The following AMMECR1 variants were observed in gnomAD, a reference collection of about 807,000 sequenced individuals.
The protein encoded by AMMECR1 is nuclear protein AMMECR1.
AMMECR1 carries 3 observed loss-of-function variants against 22.5 expected under a neutral mutation model. The observed-to-expected ratio is 0.13, with a 90% CI of 0.06 to 0.35. The LOEUF (loss-of-function observed/expected upper bound fraction) is 0.35. AMMECR1 is among the 10% of genes least tolerant of loss of function. AMMECR1 has a pLI of 1.00. For synonymous variants in AMMECR1, 130 were observed against 116.7 expected (o/e 1.11, Z -0.74); for missense variants, 235 against 278.7 (o/e 0.84, Z 1.12).
chrX:110,273,659 G>A (rs930110573), intron 1 of AMMECR1, among the ~76,000 whole-genome samples: 1 of 111,626 alleles, frequency 9.0e-6, no homozygotes, highest in African/African-American at 3.3e-5. Flanking sequence ...TTTGTATATG[G>A]TGGGAGATAG....
chrX:110,303,825 C>A (rs2067980845), intron 1 of AMMECR1, among the ~76,000 whole-genome samples: 1 of 112,150 alleles, frequency 8.9e-6, no homozygotes. Flanking sequence ...TATACTGATA[C>A]AATGCTCATG....
intron 2 of AMMECR1, among the ~76,000 whole-genome samples, chrX:110,405,310 C>T (rs1182149614): frequency 8.9e-6 from 1 of 111,732 alleles, no homozygotes; most frequent in Non-Finnish European, 1.9e-5. Context: ...AATTGGATAA[C>T]CAAGAGCTCC....
chrX:110,336,401 C>T (rs1430089208), intron 2 of AMMECR1, among the ~76,000 whole-genome samples: 1 of 110,386 alleles, frequency 9.1e-6, no homozygotes, highest in African/African-American at 3.3e-5. Context: ...AAAAACATCT[C>T]GACTGGGTGT....
chrX:110,224,387 G>A (rs984286755), intron 2 of AMMECR1, among the ~76,000 whole-genome samples: 6 of 111,398 alleles, frequency 5.4e-5, no homozygotes, highest in African/African-American at 2.0e-4. Flanking sequence ...TATAAAATAC[G>A]TGTTAAAATC....
intron 2 of AMMECR1, among the ~76,000 whole-genome samples, chrX:110,237,233 C>T (rs1405096316): frequency 1.8e-5 from 2 of 111,073 alleles, no homozygotes; most frequent in Non-Finnish European, 3.8e-5. Flanking sequence ...CATAAGATAA[C>T]GGACTCTTTA....
At chrX:110,232,429 C>A (rs2067572382) in intron 2 of AMMECR1, among the ~76,000 whole-genome samples, 1 of 111,860 alleles carries the variant, frequency 8.9e-6, no homozygotes, top group South Asian at 3.7e-4. Flanking sequence ...GGGTAAATAA[C>A]TAAATGAAGG....
At chrX:110,210,238 C>A (rs2067440895) in intron 3 of AMMECR1, among the ~76,000 whole-genome samples, 2 of 107,897 alleles carry the variant, frequency 1.9e-5, no homozygotes, top group African/African-American at 6.8e-5. Flanking sequence ...CCTTTCCCAA[C>A]ACTCCACGGC....
chrX:110,198,662 T>A (rs770909242), intron 5 of AMMECR1, 28 bp from the exon 6 acceptor site: 2 of 1,052,395 alleles, frequency 1.9e-6, no homozygotes, highest in African/African-American at 3.7e-5. Flanking sequence ...AAGAGAAAAG[T>A]TAACATTGAG....
chrX:110,224,533 A>AT (rs2067521933), intron 2 of AMMECR1, among the ~76,000 whole-genome samples: 1 of 109,566 alleles, frequency 9.1e-6, no homozygotes, highest in African/African-American at 3.4e-5. Context: ...AAATAAAAAA[A>AT]AGATATATAT....
chrX:110,228,904 T>C (rs1399743172), intron 2 of AMMECR1, among the ~76,000 whole-genome samples: 1 of 112,497 alleles, frequency 8.9e-6, no homozygotes, highest in East Asian at 2.8e-4. Flanking sequence ...GGAAAGGCTA[T>C]ACATTTTTAA....
chrX:110,259,147 TGCAA>T (rs1381163425), intron 2 of AMMECR1, among the ~76,000 whole-genome samples: 2 of 111,476 alleles, frequency 1.8e-5, no homozygotes, highest in African/African-American at 6.5e-5. Flanking sequence ...ATTTGTACCA[TGCAA>T]GCAATCAATC....
chrX:110,241,745 G>A (rs1229187543), intron 2 of AMMECR1, among the ~76,000 whole-genome samples: 1 of 109,141 alleles, frequency 9.2e-6, no homozygotes, highest in Non-Finnish European at 1.9e-5. Context: ...TAAAATAGGG[G>A]GAAGGGAAAA....
intron 2 of AMMECR1, among the ~76,000 whole-genome samples, chrX:110,241,827 C>A (rs1467601383): frequency 2.7e-5 from 3 of 111,798 alleles, no homozygotes; most frequent in Admixed American, 9.4e-5. Flanking sequence ...AAAACAACAG[C>A]TAAAATTCTT....
intron 3 of AMMECR1, among the ~76,000 whole-genome samples, chrX:110,208,168 C>T (rs142383827): frequency 8.9e-6 from 1 of 111,967 alleles, no homozygotes; most frequent in East Asian, 2.8e-4. Context: ...ATTATCTGAC[C>T]AGTTCCTATA....
intron 2 of AMMECR1, among the ~76,000 whole-genome samples, chrX:110,240,497 T>C (rs1212633253): frequency 1.1e-5 from 1 of 93,327 alleles, no homozygotes; most frequent in Non-Finnish European, 2.1e-5. Flanking sequence ...CATTACATAA[T>C]GGTAAAGGGA....
chrX:110,294,198 A>C (rs185041378), intron 1 of AMMECR1, among the ~76,000 whole-genome samples: 2 of 112,269 alleles, frequency 1.8e-5, no homozygotes, highest in Admixed American at 1.9e-4. Flanking sequence ...GTATGCTATC[A>C]TAACTAGACC....
Position 110,407,728 on chromosome X carries a change from G to A in AMMECR1, c.-148+18930C>T, listed in dbSNP as rs188176856. Among the ~76,000 whole-genome samples, 525 of 112,404 alleles carry A rather than the reference G, an allele frequency of 4.7e-3. 1 individual carries two copies. Among genetic ancestry groups the A allele is most frequent in the Non-Finnish European group, 7.5e-3 (401 of 53,270 alleles). On this transcript the variant is annotated intron_variant, in intron 2 of 7. Coordinates refer to the AMMECR1 transcript ENST00000372057. ...CTTCTCAAATGGTTTGGGGCTATCT[G>A]TGTGAGGCTGACAAGAAAACTATTT...
intron 2 of AMMECR1, among the ~76,000 whole-genome samples, chrX:110,264,170 A>G (rs886189570): frequency 9.0e-6 from 1 of 111,433 alleles, no homozygotes; most frequent in African/African-American, 3.3e-5. Flanking sequence ...TACTATAGAA[A>G]TCACATATTT....
At position 110,324,705 on chromosome X, in the gene AMMECR1, C is replaced by T. The variant is rs1002001086; in HGVS notation, c.-147-6856G>A. On this transcript the variant is annotated intron_variant, in intron 2 of 7. Transcript: ENST00000372057. ...TTGGATTTTTTGTCAAATGCTTTTA[C>T]TGTGTCTATTGACAGGATCATGTGG... is the stretch of plus-strand genomic sequence containing the variant. Among the ~76,000 whole-genome samples the T allele has an allele frequency of 2.9e-5, 3 of 105,257 alleles. No homozygotes were observed. The Admixed American group carries it at 3.1e-4, about 11-fold the overall frequency. The allele number at this position is 105,257 out of a possible 115,157, so 91.4% of individuals were successfully genotyped here. A position where few individuals can be genotyped will look rare whatever the true frequency, so the allele number is the denominator to read the frequency against.
Sources: gnomAD v4.1 joint callset for allele counts (sites outside exome capture counted in the v4.1 genomes callset) on GRCh38, gnomAD v4.1.1 for gene constraint, MANE v1.5 for transcripts, NCBI Gene and HGNC (gene_info 2026-07-23, HGNC 2026-07-21) for gene names.